The following CPAMD8 variants were observed in gnomAD, a reference collection of about 807,000 sequenced individuals.
The protein encoded by CPAMD8 is C3 and PZP-like alpha-2-macroglobulin domain-containing protein 8.
Under a neutral mutation model 224.7 loss-of-function variants are expected in CPAMD8, and 146 were observed. The ratio of observed to expected loss-of-function variants is 0.65; its 90% CI spans 0.57 to 0.75. The LOEUF is 0.75. CPAMD8 is among the 30% of genes least tolerant of loss of function. The probability of loss-of-function intolerance (pLI) is 0.00; values close to 1 mark genes in which losing one functional copy is unlikely to be tolerated. For synonymous variants in CPAMD8, 966 were observed against 1,044.6 expected (o/e 0.92, Z 1.45); for missense variants, 2,301 against 2,537.5 (o/e 0.91, Z 2.00).
At chr19:16,998,626 A>G (rs4808550) in intron 10 of CPAMD8, among the ~76,000 whole-genome samples, 125,840 of 152,130 alleles carry the variant, frequency 0.83, 52,309 homozygotes, top group African/African-American at 0.89. Flanking sequence ...GGCACCTACA[A>G]AGGGATGGGA....
intron 20 of CPAMD8, among the ~76,000 whole-genome samples, 154 bp from the exon 21 acceptor site, chr19:16,947,381 C>T (rs556436364): frequency 2.0e-5 from 3 of 152,302 alleles, no homozygotes; most frequent in Non-Finnish European, 4.4e-5. Flanking sequence ...CTTTCCATTT[C>T]CGATCAGAAC....
chr19:16,963,309 A>G (rs2054716006), intron 18 of CPAMD8, among the ~76,000 whole-genome samples: 1 of 152,230 alleles, frequency 6.6e-6, no homozygotes, highest in Non-Finnish European at 1.5e-5. Flanking sequence ...TCTCATGTGC[A>G]GAGACACACA....
Position 16,893,142 on chromosome 19 carries a change from C to A in CPAMD8, c.5624G>T (p.Gly1875Val). The change falls in exon 42 of 42, where the codon GGT becomes GTT. Residue 1875 changes from glycine (G) to valine (V), a missense_variant. Coordinates refer to ENST00000443236, the MANE Select transcript of CPAMD8 (RefSeq NM_015692.5). ...GGTGCAGGTGTTTGACATCCATAAA[C>A]CCTCCTCCCCACCACTCTGAAAGGC... is the stretch of plus-strand genomic sequence containing the variant. ...SPAFQSGGEE[G>V]LWMSNTCTLR The A allele has an allele frequency of 6.4e-7, 1 of 1,554,526 alleles. No homozygotes were observed. Among genetic ancestry groups the A allele is most frequent in the African/African-American group, 1.4e-5 (1 of 73,976 alleles).
intron 13 of CPAMD8, among the ~76,000 whole-genome samples, chr19:16,987,171 AAAAAAAAAATATATATATATATATAT>A (rs2055758570): frequency 1.0e-5 from 1 of 97,158 alleles, no homozygotes; most frequent in Non-Finnish European, 1.9e-5. Context: ...AAAAAAAAAA[AAAAAAAAAATATATATATATATATAT>A]ATATATATAT....
intron 41 of CPAMD8, 179 bp downstream of exon 41, chr19:16,895,997 A>C: frequency 2.7e-6 from 2 of 737,648 alleles, no homozygotes; most frequent in South Asian, 1.4e-5. Flanking sequence ...GGGAGGATGA[A>C]TGTCCCACTT....
At chr19:16,945,005 C>A (rs2054023273) in intron 22 of CPAMD8, among the ~76,000 whole-genome samples, 1 of 152,222 alleles carries the variant, frequency 6.6e-6, no homozygotes. Context: ...TGTGTGTCAT[C>A]TCTGGCTTCC....
At chr19:16,954,286 T>C (rs537572218) in intron 19 of CPAMD8, among the ~76,000 whole-genome samples, 2 of 151,068 alleles carry the variant, frequency 1.3e-5, no homozygotes, top group African/African-American at 4.9e-5. Context: ...TGAGCTGAGA[T>C]TGCACCACTG....
rs749240432 is a variant in CPAMD8, at chr19:16,903,793, T to C, written c.4316A>G (p.Asn1439Ser). ...YAILSYAGGI[N>S]LTVSLASTNL... is the part of the protein sequence containing the mutation. ...GGTGGAGGCCAGGGAGACAGTGAGG[T>C]TGATGCCTCCAGCATAGGACAAGAT... The change falls in exon 33 of 42, where the codon AAC (asparagine) becomes AGC (serine). Residue 1439 changes from asparagine to serine, a missense_variant. Coordinates refer to ENST00000443236, the MANE Select transcript of CPAMD8 (RefSeq NM_015692.5). The C allele has an allele frequency of 6.2e-7, 1 of 1,614,034 alleles. No homozygotes were observed. Among genetic ancestry groups the C allele is most frequent in the South Asian group, 1.1e-5 (1 of 91,076 alleles).
intron 13 of CPAMD8, among the ~76,000 whole-genome samples, chr19:16,986,314 G>T (rs536509638): frequency 1.3e-5 from 2 of 152,108 alleles, no homozygotes; most frequent in Non-Finnish European, 2.9e-5. Context: ...GGTAGGACGC[G>T]CTGGGGTTTC....
At chr19:16,990,080 C>T (rs1396878403) in intron 12 of CPAMD8, among the ~76,000 whole-genome samples, 2 of 151,114 alleles carry the variant, frequency 1.3e-5, no homozygotes, top group African/African-American at 2.4e-5. Flanking sequence ...GGAGAAACCC[C>T]GTCTCTACTG....
At chr19:16,932,290 A>T (rs2053568280) in intron 23 of CPAMD8, among the ~76,000 whole-genome samples, 1 of 151,942 alleles carries the variant, frequency 6.6e-6, no homozygotes, top group African/African-American at 2.4e-5. Flanking sequence ...GCGTGGTGGC[A>T]TGTGCTTGTA....
chr19:16,975,200 T>C lies in CPAMD8; in HGVS notation c.1967A>G (p.Asp656Gly). 6.2e-7 allele frequency: 1 copy of C among 1,611,132 alleles called. No homozygotes were observed. The highest frequency in any genetic ancestry group is 8.5e-7 in the Non-Finnish European group (1 of 1,178,752). ...VSDSFGVSRE[D>G]GPFWWAGLTA... is the part of the protein sequence containing the mutation. ...CAGCCCAGCCCACCAAAAAGGACCA[T>C]CCTCCCTGGACACGCCAAAGGAATC... Residue 656 changes from aspartate (D) to glycine (G), a missense_variant, in exon 17 of 42, where the codon GAT becomes GGT. Asp to Gly is a moderately conservative substitution (Grantham distance 94). This residue lies in a region of CPAMD8 where 1,709 missense variants were observed against 1,753.2 expected (regional missense o/e 0.97). Transcript: ENST00000443236.
At chr19:16,981,196 G>T (rs2122772418) in intron 13 of CPAMD8, among the ~76,000 whole-genome samples, 1 of 151,928 alleles carries the variant, frequency 6.6e-6, no homozygotes, top group Admixed American at 6.6e-5. Context: ...TCTACAAAAA[G>T]CACACACACA....
chr19:16,904,501 G>A lies in CPAMD8; in HGVS notation c.4079C>T (p.Thr1360Ile), dbSNP rs2052392016. Residue 1360 changes from threonine to isoleucine, a missense_variant, in exon 31 of 42, where the codon ACA becomes ATA. Thr to Ile is a moderately conservative substitution (Grantham distance 89). This residue lies in a region of CPAMD8 where 1,709 missense variants were observed against 1,753.2 expected (regional missense o/e 0.97). Coordinates refer to ENST00000443236, the MANE Select transcript of CPAMD8 (RefSeq NM_015692.5). ...LSNSWDVDKG[T>I]FLSFSDRVSQ... ...GACCCTGTCACTGAAGCTCAAGAAT[G>A]TGCCCTTGTCCACGTCCCAGGAATT... 1 of 1,614,032 alleles carries A rather than the reference G, an allele frequency of 6.2e-7. No individual in the cohort carries two copies.
At chr19:16,973,579 C>T (rs1282008542) in intron 17 of CPAMD8, among the ~76,000 whole-genome samples, 2 of 151,990 alleles carry the variant, frequency 1.3e-5, no homozygotes, top group East Asian at 3.9e-4. Flanking sequence ...GAACTCCTGA[C>T]TTCAGGTGAT....
At chr19:17,021,901 C>A in intron 2 of CPAMD8, 129 bp downstream of exon 2, 2 of 762,116 alleles carry the variant, frequency 2.6e-6, no homozygotes, top group Non-Finnish European at 2.1e-6. Flanking sequence ...CCCTCCCTCC[C>A]ATGCCCCTGG....
At chr19:16,948,121 C>A (rs1004088801) in intron 20 of CPAMD8, among the ~76,000 whole-genome samples, 2 of 152,192 alleles carry the variant, frequency 1.3e-5, no homozygotes, top group African/African-American at 4.8e-5. Context: ...ACGTTTGCAA[C>A]CCCTCCATCT....
In CPAMD8 at chr19:17,022,067, C is replaced by A; in HGVS notation, c.207G>T (p.Gln69His). 1 of 1,606,192 alleles carries A rather than the reference C, an allele frequency of 6.2e-7. No individual in the cohort carries two copies. Among genetic ancestry groups the A allele is most frequent in the Non-Finnish European group, 8.5e-7 (1 of 1,176,680 alleles). Reference protein sequence around the residue: ...EVTVQAQLVAQGEPVVQSQGA... With the variant: ...EVTVQAQLVAHGEPVVQSQGA... ...CCTGGCTCTGCACCACCGGCTCACC[C>A]TGGGCCACCAGCTGAGCCTGGACCG... The change falls in exon 2 of 42, where the codon CAG (glutamine) becomes CAT (histidine). Residue 69 changes from glutamine to histidine, a missense_variant. Transcript: ENST00000443236.
chr19:16,944,808 C>A (rs2054015946), intron 22 of CPAMD8, among the ~76,000 whole-genome samples: 2 of 152,202 alleles, frequency 1.3e-5, no homozygotes, highest in South Asian at 4.1e-4. Flanking sequence ...TCAGGGCCAG[C>A]AGGATCCCAG....
Sources: allele counts gnomAD v4.1 joint callset (sites outside exome capture counted in the v4.1 genomes callset), GRCh38; gene constraint gnomAD v4.1.1; regional missense constraint gnomAD v4.1.1; transcripts MANE v1.5; gene names NCBI Gene and HGNC (gene_info 2026-07-23, HGNC 2026-07-21).